ADAMTS2: variants seen among roughly 807,000 people sequenced by gnomAD.
ADAMTS2 encodes ADAM metallopeptidase with thrombospondin type 1 motif 2.
ADAMTS2 carries 50 observed loss-of-function variants against 123.0 expected under a neutral mutation model. That is an observed-to-expected ratio of 0.41 (90% CI 0.32 to 0.51). ADAMTS2 has a LOEUF of 0.51. Ranked by LOEUF, ADAMTS2 falls within the 20% of genes least tolerant of loss-of-function variation. The pLI, the probability that ADAMTS2 is intolerant of heterozygous loss-of-function variation, is 0.35. For missense variants in ADAMTS2, 1,494 were observed against 1,705.2 expected (o/e 0.88, Z 2.18); for synonymous variants, 678 against 695.4 (o/e 0.98, Z 0.39).
chr5:179,127,815 C>T, intron 17 of ADAMTS2, 144 bp downstream of exon 17: 1 of 1,102,588 alleles, frequency 9.1e-7, no homozygotes, highest in Non-Finnish European at 1.3e-6. Flanking sequence ...CCCTCCATTG[C>T]CGCTAAGCCC....
Position 179,181,648 on chromosome 5 carries a change from A to G in ADAMTS2, c.892-493T>C, listed in dbSNP as rs1384092520. On this transcript the variant is annotated intron_variant, in intron 4 of 21. Transcript: ENST00000251582. This position sits in a 1 kb window ranked among gnomAD's most constrained non-coding sequence, Gnocchi z 4.1. ...CGGTTCTAGGCCCACCACCAGGTAT[A>G]ATGTTTTAACGTGTTAATAAAAAGC... is the stretch of plus-strand genomic sequence containing the variant. Among the ~76,000 whole-genome samples the G allele has an allele frequency of 6.6e-6, 1 of 152,118 alleles. No homozygotes were observed. Among genetic ancestry groups the G allele is most frequent in the African/African-American group, 2.4e-5 (1 of 41,416 alleles).
At chr5:179,131,585 C>T (rs1279446073) in intron 15 of ADAMTS2, among the ~76,000 whole-genome samples, 1 of 151,978 alleles carries the variant, frequency 6.6e-6, no homozygotes, top group East Asian at 1.9e-4. Context: ...GACCTTGGCC[C>T]ATGAATTCCC....
chr5:179,152,100 C>T (rs770859573), intron 10 of ADAMTS2, 42 bp downstream of exon 10: 24 of 1,572,748 alleles, frequency 1.5e-5, no homozygotes, highest in African/African-American at 2.7e-5. Context: ...GATTCCTGTC[C>T]TCTGCCCTGC....
chr5:179,140,258 C>T (rs1763140114), intron 10 of ADAMTS2, among the ~76,000 whole-genome samples: 1 of 152,208 alleles, frequency 6.6e-6, no homozygotes, highest in Non-Finnish European at 1.5e-5. Flanking sequence ...CCCTGCCTCC[C>T]GCTTGCTGAC....
rs1764047522 is a variant in ADAMTS2 at position 179,181,515 on chromosome 5, AC to A, written c.892-361del. ...CTTCAACAGTGAACGTGGGTGATGGACCCCCGCGGCACAGGCAGGGCTGGGA... is the reference window on the plus strand; with the variant it reads ...CTTCAACAGTGAACGTGGGTGATGGACCCCGCGGCACAGGCAGGGCTGGGA... On this transcript the variant is annotated intron_variant, in intron 4 of 21. Coordinates refer to ENST00000251582, the MANE Select transcript of ADAMTS2 (RefSeq NM_014244.5). This position sits in a 1 kb window ranked among gnomAD's most constrained non-coding sequence, Gnocchi z 4.1. Among the ~76,000 whole-genome samples the A allele has an allele frequency of 6.6e-6, 1 of 151,772 alleles. No individual in the cohort carries two copies. Among genetic ancestry groups the A allele is most frequent in the African/African-American group, 2.4e-5 (1 of 41,276 alleles).
chr5:179,156,156 C>G (rs543185148), intron 6 of ADAMTS2, among the ~76,000 whole-genome samples: 1 of 152,080 alleles, frequency 6.6e-6, no homozygotes, highest in Non-Finnish European at 1.5e-5. Flanking sequence ...CAGGAGCCTG[C>G]GAGATCTGAA....
rs1207649545 is a variant in ADAMTS2, at chr5:179,244,889, T to G, written c.688+28022A>C. Among the ~76,000 whole-genome samples, 4 of 152,284 alleles carry G rather than the reference T, an allele frequency of 2.6e-5. No homozygotes were observed. The East Asian group carries it at 7.7e-4, about 29-fold the overall frequency. On this transcript the variant is annotated intron_variant, in intron 3 of 21. Coordinates refer to ENST00000251582, the MANE Select transcript of ADAMTS2 (RefSeq NM_014244.5). ...ACTCTCCTCTCTTTTTTCAGCTTCT[T>G]TAAGCATGAAATTATATAAAGCAAT...
At position 179,317,565 on chromosome 5, in the gene ADAMTS2, C is replaced by A. The variant is rs1561735517; in HGVS notation, c.534+26202G>T. Among the ~76,000 whole-genome samples the A allele has an allele frequency of 6.6e-6, 1 of 152,212 alleles. No homozygotes were observed. The highest frequency in any genetic ancestry group is 1.5e-5 in the Non-Finnish European group (1 of 68,028). On this transcript the variant is annotated intron_variant, in intron 2 of 21. Coordinates refer to ENST00000251582, the MANE Select transcript of ADAMTS2 (RefSeq NM_014244.5). The surrounding 1 kb of genome is among the most constrained non-coding windows in gnomAD (Gnocchi z 4.9). ...GTGGGGACTCCTGCACCTCTTCCTG[C>A]TGCCCAGACCATGGGTGGCCAGCAG...
rs1463655314 is a variant in ADAMTS2 at position 179,317,858 on chromosome 5, G to A, written c.534+25909C>T. On this transcript the variant is annotated intron_variant, in intron 2 of 21. Transcript: ENST00000251582. This position sits in a 1 kb window ranked among gnomAD's most constrained non-coding sequence, Gnocchi z 4.9. ...AGAGGTGGGGCTGGTCCACAGTGAG[G>A]GAGGGAGGCAGGTGTAGACTGGGCC... 3.3e-5 allele frequency among the ~76,000 whole-genome samples: 5 copies of A among 152,188 alleles called. No individual in the cohort carries two copies. Among genetic ancestry groups the A allele is most frequent in the African/African-American group, 1.2e-4 (5 of 41,446 alleles).
chr5:179,279,839 T>C, intron 2 of ADAMTS2, among the ~76,000 whole-genome samples: 1 of 152,244 alleles, frequency 6.6e-6, no homozygotes, highest in East Asian at 1.9e-4. Context: ...CCCAGAGGAT[T>C]TCACACACTG....
rs1245511673 is a variant in ADAMTS2, at chr5:179,306,487, A to C, written c.535-33423T>G. On this transcript the variant is annotated intron_variant, in intron 2 of 21. Coordinates refer to ENST00000251582, the MANE Select transcript of ADAMTS2 (RefSeq NM_014244.5). ...ACCTGGTAAGAATATCTACAAAAAAACTAAAGCTAACACAATACCGCATCC... is the reference window on the plus strand; with the variant it reads ...ACCTGGTAAGAATATCTACAAAAAACCTAAAGCTAACACAATACCGCATCC... Among the ~76,000 whole-genome samples, 3 of 152,368 alleles carry C rather than the reference A, an allele frequency of 2.0e-5. No individual in the cohort carries two copies. The East Asian group carries it at 5.8e-4, about 29-fold the overall frequency.
At chr5:179,291,513 C>T (rs1295275005) in intron 2 of ADAMTS2, among the ~76,000 whole-genome samples, 1 of 152,180 alleles carries the variant, frequency 6.6e-6, no homozygotes, top group Non-Finnish European at 1.5e-5. Context: ...ATGCTCTCCT[C>T]CCAGGCTGGT....
chr5:179,151,881 A>G (rs1763363322), intron 10 of ADAMTS2, among the ~76,000 whole-genome samples: 1 of 152,144 alleles, frequency 6.6e-6, no homozygotes, highest in African/African-American at 2.4e-5. Flanking sequence ...TGCTCCTTAA[A>G]GGGGGATTCC....
At chr5:179,327,280 G>A (rs1043069737) in intron 2 of ADAMTS2, among the ~76,000 whole-genome samples, 11 of 152,244 alleles carry the variant, frequency 7.2e-5, no homozygotes, top group Middle Eastern at 6.8e-3. Flanking sequence ...CATTGTGAAG[G>A]GTAAGGCAGG....
At chr5:179,184,112 G>T (rs956356936) in intron 4 of ADAMTS2, among the ~76,000 whole-genome samples, 25 of 152,176 alleles carry the variant, frequency 1.6e-4, no homozygotes, top group Admixed American at 5.9e-4. Context: ...ATGAGACAAA[G>T]GCTTTATGGG....
At chr5:179,123,751 C>T (rs748475176) in intron 19 of ADAMTS2, among the ~76,000 whole-genome samples, 1 of 152,210 alleles carries the variant, frequency 6.6e-6, no homozygotes, top group Non-Finnish European at 1.5e-5. Context: ...CAAGACTGGC[C>T]CTTGTGCAGC....
intron 4 of ADAMTS2, among the ~76,000 whole-genome samples, chr5:179,199,865 C>T (rs533413612): frequency 3.7e-4 from 57 of 152,232 alleles, no homozygotes; most frequent in South Asian, 2.5e-3. Flanking sequence ...AAATAGCCAT[C>T]GCACAATTTA....
At chr5:179,316,193 C>T (rs140868035) in intron 2 of ADAMTS2, among the ~76,000 whole-genome samples, 3 of 152,284 alleles carry the variant, frequency 2.0e-5, no homozygotes, top group Admixed American at 1.3e-4. Context: ...AGACGGGAGA[C>T]AAGAGCCCAG....
rs891507756 is a variant in ADAMTS2, at chr5:179,317,753, C to T, written c.534+26014G>A. Among the ~76,000 whole-genome samples the T allele has an allele frequency of 6.6e-6, 1 of 152,212 alleles. No homozygotes were observed. The highest frequency in any genetic ancestry group is 1.5e-5 in the Non-Finnish European group (1 of 68,036). ...TCAGCACGCGTCTAGGGGAGGTTAG[C>T]GTGCCAGCACCAGCTGAGACTCCCT... On this transcript the variant is annotated intron_variant, in intron 2 of 21. Coordinates refer to ENST00000251582, the MANE Select transcript of ADAMTS2 (RefSeq NM_014244.5). The surrounding 1 kb of genome is among the most constrained non-coding windows in gnomAD (Gnocchi z 4.9).
Sources: gnomAD v4.1 joint callset for allele counts (sites outside exome capture counted in the v4.1 genomes callset) on GRCh38, gnomAD v4.1.1 for gene constraint, Gnocchi (gnomAD v3.1) non-coding constraint, MANE v1.5 for transcripts, NCBI Gene and HGNC (gene_info 2026-07-23, HGNC 2026-07-21) for gene names.